IL36B: variants seen among roughly 807,000 people sequenced by gnomAD.
The protein encoded by IL36B is interleukin 36 beta, also known as interleukin-36 beta.
Under a neutral mutation model 19.3 loss-of-function variants are expected in IL36B, and 23 were observed. The ratio of observed to expected loss-of-function variants is 1.19; its 90% CI spans 0.86 to 1.69. The LOEUF (loss-of-function observed/expected upper bound fraction) is 1.69, where lower values mean the gene tolerates loss of function less well. Among genes scored for constraint, IL36B ranks in the 40% most tolerant of loss-of-function variants. The pLI, the probability that IL36B is intolerant of heterozygous loss-of-function variation, is 0.00. For missense variants in IL36B, 217 were observed against 200.5 expected, an observed-to-expected ratio of 1.08 and a Z score of -0.50; for synonymous variants, 59 against 59.7, an observed-to-expected ratio of 0.99 and a Z score of 0.05.
intron 1 of IL36B, among the ~76,000 whole-genome samples, chr2:113,044,286 G>C (rs937053820): frequency 7.5e-6 from 1 of 133,672 alleles, no homozygotes; most frequent in East Asian, 1.9e-4. Context: ...GTGTGTGTGT[G>C]TGTGTGTGTG....
chr2:113,035,575 A>G (rs932785508), intron 1 of IL36B, among the ~76,000 whole-genome samples: 1 of 152,206 alleles, frequency 6.6e-6, no homozygotes, highest in Admixed American at 6.5e-5. Context: ...CCTGATATCC[A>G]GTGAGAAAAA....
chr2:113,027,833 G>C, intron 4 of IL36B: 1 of 1,581,196 alleles, frequency 6.3e-7, no homozygotes. Context: ...GTCGCATAAT[G>C]ATCTGTTAAG....
chr2:113,050,095 T>C (rs929934053), intron 1 of IL36B, among the ~76,000 whole-genome samples: 1 of 152,220 alleles, frequency 6.6e-6, no homozygotes, highest in Non-Finnish European at 1.5e-5. Context: ...ATCCAGGAGT[T>C]CCACCTCTGG....
Position 113,029,051 on chromosome 2 carries a change from T to C in IL36B, c.149A>G (p.Asp50Gly). The stretch of plus-strand genomic sequence containing the variant: ...CTTTTCCTTGTCACTGAATTCTGTG[T>C]CTCTACAGGCTATTAAATGAAGAGT... The change falls in exon 4 of 6, where the codon GAC (aspartate) becomes GGC (glycine). Residue 50 changes from aspartate to glycine, a missense_variant. Physicochemically the swap from Asp to Gly is moderately conservative, Grantham distance 94 (BLOSUM62 -1). Coordinates refer to ENST00000259213, the MANE Select transcript of IL36B (RefSeq NM_014438.5). 12 of 1,613,656 alleles carry C rather than the reference T, an allele frequency of 7.4e-6. No individual in the cohort carries two copies. Among genetic ancestry groups the C allele is most frequent in the Non-Finnish European group, 9.3e-6 (11 of 1,179,770 alleles).
Position 113,052,243 on chromosome 2 carries a change from C to A in IL36B, c.-58+574G>T, listed in dbSNP as rs552133032. Reference sequence around the variant, plus strand: ...GGGATTACAGGTGCGAGCCACTGCACCTGGCTGGTTTCTATTATCTTCTTA... The same window carrying A: ...GGGATTACAGGTGCGAGCCACTGCAACTGGCTGGTTTCTATTATCTTCTTA... On this transcript the variant is annotated intron_variant, in intron 1 of 5. Transcript: ENST00000259213. Among the ~76,000 whole-genome samples the A allele has an allele frequency of 2.6e-5, 4 of 152,300 alleles. No homozygotes were observed. The South Asian group carries it at 8.3e-4, about 32-fold the overall frequency.
At chr2:113,023,702 T>G (rs995764373) in intron 5 of IL36B, among the ~76,000 whole-genome samples, 2 of 152,230 alleles carry the variant, frequency 1.3e-5, no homozygotes, top group Non-Finnish European at 1.5e-5. Context: ...CTGGTGTTAC[T>G]TCCCAACCAT....
intron 1 of IL36B, among the ~76,000 whole-genome samples, chr2:113,037,066 G>A (rs555184699): frequency 1.2e-4 from 19 of 152,334 alleles, no homozygotes; most frequent in African/African-American, 2.6e-4. Context: ...TCTTAGGTGC[G>A]CTCAGAAGTG....
chr2:113,026,077 G>T, intron 5 of IL36B: 1 of 1,610,894 alleles, frequency 6.2e-7, no homozygotes, highest in Non-Finnish European at 8.5e-7. Context: ...CCACCTGTGG[G>T]ATGGATAAGA....
intron 5 of IL36B, among the ~76,000 whole-genome samples, chr2:113,025,481 G>A (rs1193463873): frequency 6.6e-6 from 1 of 152,174 alleles, no homozygotes; most frequent in African/African-American, 2.4e-5. Flanking sequence ...TAAAGGGAGT[G>A]CATAAATGAA....
chr2:113,024,650 GTCCTCAC>G (rs1684921172), intron 5 of IL36B, among the ~76,000 whole-genome samples: 1 of 152,148 alleles, frequency 6.6e-6, no homozygotes, highest in African/African-American at 2.4e-5. Flanking sequence ...CCATCACAAT[GTCCTCAC>G]TCCTCTGGCA....
chr2:113,046,219 TTTTTTTTTGA>T (rs1685347063), intron 1 of IL36B, among the ~76,000 whole-genome samples: 1 of 128,794 alleles, frequency 7.8e-6, no homozygotes, highest in Non-Finnish European at 1.7e-5. Flanking sequence ...TTTTTTTTTT[TTTTTTTTTGA>T]GACGGAGTCT....
chr2:113,051,459 C>T (rs1420989856), intron 1 of IL36B, among the ~76,000 whole-genome samples: 3 of 152,190 alleles, frequency 2.0e-5, no homozygotes, highest in African/African-American at 7.2e-5. Context: ...CAGAGCCTCA[C>T]CTGCCCTGTG....
chr2:113,022,843 A>C (rs1684887173), intron 5 of IL36B: 1 of 1,084,112 alleles, frequency 9.2e-7, no homozygotes, highest in Non-Finnish European at 1.4e-6. Context: ...CCACCAATTG[A>C]ATAGGGGCTA....
intron 3 of IL36B, among the ~76,000 whole-genome samples, chr2:113,029,361 C>T (rs778748175): frequency 2.1e-4 from 32 of 152,170 alleles, no homozygotes; most frequent in Non-Finnish European, 3.8e-4. Flanking sequence ...AAGTGGGGAG[C>T]TTCTATCTCA....
At chr2:113,026,600 G>A (rs1684966527) in intron 4 of IL36B, among the ~76,000 whole-genome samples, 1 of 152,140 alleles carries the variant, frequency 6.6e-6, no homozygotes, top group South Asian at 2.1e-4. Context: ...CATGTACTTG[G>A]TTAGTGGATT....
intron 1 of IL36B, among the ~76,000 whole-genome samples, chr2:113,051,734 G>GCT (rs1685450899): frequency 6.6e-6 from 1 of 152,304 alleles, no homozygotes; most frequent in East Asian, 1.9e-4. Context: ...TGCAGCTGGA[G>GCT]GTCCCCTTCT....
At chr2:113,051,859 C>A (rs779176157) in intron 1 of IL36B, among the ~76,000 whole-genome samples, 1 of 152,110 alleles carries the variant, frequency 6.6e-6, no homozygotes, top group Non-Finnish European at 1.5e-5. Flanking sequence ...TGATAAATTC[C>A]GTCCAACCCA....
intron 5 of IL36B, chr2:113,022,856 A>G (rs1684887309): frequency 3.2e-6 from 3 of 939,736 alleles, no homozygotes; most frequent in South Asian, 2.7e-5. Context: ...AGGGGCTAAA[A>G]GGGCAGATTC....
intron 1 of IL36B, among the ~76,000 whole-genome samples, chr2:113,038,309 T>C (rs968651): frequency 0.05 from 7,626 of 152,246 alleles, 634 homozygotes; most frequent in African/African-American, 0.17. Flanking sequence ...CACTGCTGAC[T>C]GGGCTCAGAC....
Sources: allele counts gnomAD v4.1 joint callset (sites outside exome capture counted in the v4.1 genomes callset), GRCh38; gene constraint gnomAD v4.1.1; transcripts MANE v1.5; gene names NCBI Gene and HGNC (gene_info 2026-07-23, HGNC 2026-07-21).